TTN: variants seen among roughly 807,000 people sequenced by gnomAD.
The protein encoded by TTN is titin.
TTN carries 1,525 observed loss-of-function variants against 3,223.0 expected under a neutral mutation model. That is an observed-to-expected ratio of 0.47 (90% CI 0.45 to 0.49). The LOEUF (loss-of-function observed/expected upper bound fraction) is 0.49, where lower values mean the gene tolerates loss of function less well. TTN is among the 20% of genes least tolerant of loss of function. The pLI, the probability that TTN is intolerant of heterozygous loss-of-function variation, is 0.00. For missense variants in TTN, 40,786 were observed against 43,424.0 expected, an observed-to-expected ratio of 0.94 and a Z score of 5.40; for synonymous variants, 14,094 against 15,161.0, an observed-to-expected ratio of 0.93 and a Z score of 5.17.
chr2:178,663,976 G>A (rs746205578), intron 169 of TTN, 39 bp downstream of exon 169: 1 of 1,611,496 alleles, frequency 6.2e-7, no homozygotes, highest in Admixed American at 1.7e-5. Context: ...AAGAGCAGAA[G>A]AATTAGGTCT....
chr2:178,731,310 A>T lies in TTN; in HGVS notation c.17456T>A (p.Val5819Glu). The T allele has an allele frequency of 6.2e-7, 1 of 1,613,664 alleles. No individual in the cohort carries two copies. Among genetic ancestry groups the T allele is most frequent in the Non-Finnish European group, 8.5e-7 (1 of 1,179,702 alleles). Residue 5819 changes from valine (V) to glutamate (E), a missense_variant, in exon 59 of 363, where the codon GTA (valine) becomes GAA (glutamate). Transcript: ENST00000589042. Reference sequence around the variant, plus strand: ...GGCAAACGTTCTGAACCAACCTTTTACTGAGAGTAATGCAGAACATCTTTG... The same window carrying T: ...GGCAAACGTTCTGAACCAACCTTTTTCTGAGAGTAATGCAGAACATCTTTG... ...GIQRCSALLSVKEPATITEEA... is the reference protein window; with the variant it reads ...GIQRCSALLSEKEPATITEEA...
In TTN at chr2:178,543,316, A is replaced by G; in HGVS notation, c.96657T>C (p.Val32219=). The change falls in exon 347 of 363, where the codon GTT becomes GTC. Residue 32219 remains valine (V), a synonymous_variant. Coordinates refer to ENST00000589042, the MANE Select transcript of TTN (RefSeq NM_001267550.2). Reference sequence around the variant, plus strand: ...AGAGTGGTTTTTCCCAGGCAAGGGTAACAGTGGATTTGGTGACATCGACCA... The same window carrying G: ...AGAGTGGTTTTTCCCAGGCAAGGGTGACAGTGGATTTGGTGACATCGACCA... The part of the protein sequence containing the change: ...LEVVDVTKST[V]TLAWEKPLYD... 6.2e-7 allele frequency: 1 copy of G among 1,613,840 alleles called. No homozygotes were observed. Among genetic ancestry groups the G allele is most frequent in the Non-Finnish European group, 8.5e-7 (1 of 1,179,790 alleles).
At position 178,563,004 on chromosome 2, in the gene TTN, C is replaced by T. The variant is rs1296454749; in HGVS notation, c.83128G>A (p.Glu27710Lys). 7 of 1,613,706 alleles carry T rather than the reference C, an allele frequency of 4.3e-6. No homozygotes were observed. Among genetic ancestry groups the T allele is most frequent in the East Asian group, 2.2e-5 (1 of 44,842 alleles). ...TCAGTGAGAATGCCTTCTGCCTTTT[C>T]CCATTTAACTTCGGGTTCTGGTCGA... The part of the protein sequence containing the change: ...KGRPEPEVKW[E>K]KAEGILTDRA... The change falls in exon 326 of 363, where the codon GAA (glutamate) becomes AAA (lysine). Residue 27710 changes from glutamate to lysine, a missense_variant. Transcript: ENST00000589042. This position sits in a 1 kb window ranked among gnomAD's most constrained non-coding sequence, Gnocchi z 4.5.
In TTN at chr2:178,729,962, A is replaced by G. The variant is rs1392151041; in HGVS notation, c.18308-17T>C. The stretch of plus-strand genomic sequence containing the variant: ...GAGGAGGTTCTAAAGATGGAAAAAG[A>G]ATTGTGATGTTGAATATTTTTAAAA... On this transcript the variant is annotated splice_polypyrimidine_tract_variant and intron_variant, in intron 62 of 362. Transcript: ENST00000589042. The G allele has an allele frequency of 5.0e-6, 8 of 1,605,932 alleles. No homozygotes were observed. Among genetic ancestry groups the G allele is most frequent in the Non-Finnish European group, 6.8e-6 (8 of 1,177,024 alleles).
In TTN at chr2:178,539,510, C is replaced by A. The variant is rs1693340480; in HGVS notation, c.98555G>T (p.Gly32852Val). 1 of 1,613,710 alleles carries A rather than the reference C, an allele frequency of 6.2e-7. No individual in the cohort carries two copies. The highest frequency in any genetic ancestry group is 2.2e-5 in the East Asian group (1 of 44,870). The change falls in exon 352 of 363, where the codon GGT (glycine) becomes GTT (valine). Residue 32852 changes from glycine to valine, a missense_variant. Gly to Val is a moderately radical substitution (Grantham distance 109). Coordinates refer to ENST00000589042, the MANE Select transcript of TTN (RefSeq NM_001267550.2). ...AWYTIDSRVR[G>V]TSLVVKGLKE... Reference sequence around the variant, plus strand: ...GAGGCCTTTTACCACCAGAGATGTACCTCGGACTCTGGAATCAATGGTATA... The same window carrying A: ...GAGGCCTTTTACCACCAGAGATGTAACTCGGACTCTGGAATCAATGGTATA...
At position 178,598,731 on chromosome 2, in the gene TTN, A is replaced by G; in HGVS notation, c.56962+17T>C. 2 of 1,604,384 alleles carry G rather than the reference A, an allele frequency of 1.2e-6. No individual in the cohort carries two copies. The highest frequency in any genetic ancestry group is 8.5e-7 in the Non-Finnish European group (1 of 1,177,462). Reference sequence around the variant, plus strand: ...GGAAAATAAGATTTAAAAAAAAGGAATGGTTTCCAGGCTTACCAATTGGAT... The same window carrying G: ...GGAAAATAAGATTTAAAAAAAAGGAGTGGTTTCCAGGCTTACCAATTGGAT... On this transcript the variant is annotated intron_variant, in intron 291 of 362. Transcript: ENST00000589042.
Position 178,675,596 on chromosome 2 carries a change from T to G in TTN, c.34537+75A>C, listed in dbSNP as rs72953383. 1.6e-3 allele frequency: 1,791 copies of G among 1,139,870 alleles called. 2 individuals are homozygous for G. The highest frequency in any genetic ancestry group is 2.0e-3 in the Non-Finnish European group (1,702 of 868,850). 70.6% of individuals were successfully genotyped at this position (1,139,870 alleles called of 1,614,324 possible). A position where few individuals can be genotyped will look rare whatever the true frequency, so the allele number is the denominator to read the frequency against. On this transcript the variant is annotated intron_variant, in intron 149 of 362. Transcript: ENST00000589042. Reference sequence around the variant, plus strand: ...AGACCATACAATGCACACATTTATGTTGAGTGTCCTGTGTGGATAGAACCA... The same window carrying G: ...AGACCATACAATGCACACATTTATGGTGAGTGTCCTGTGTGGATAGAACCA...
Position 178,741,210 on chromosome 2 carries a change from A to T in TTN, c.12023T>A (p.Leu4008His). 1 of 1,613,376 alleles carries T rather than the reference A, an allele frequency of 6.2e-7. No individual in the cohort carries two copies. The highest frequency in any genetic ancestry group is 1.3e-5 in the African/African-American group (1 of 75,058). Residue 4008 changes from leucine to histidine, a missense_variant, in exon 48 of 363, where the codon CTC becomes CAC. Leu to His is a moderately conservative substitution (Grantham distance 99). Coordinates refer to ENST00000589042, the MANE Select transcript of TTN (RefSeq NM_001267550.2). ...VNDPQREDSG[L>H]YICKAENMLG... ...CATATTCTCTGCTTTACAGATATAGAGGCCACTGTCTTCCCTCTGAGGGTC... is the reference window on the plus strand; with the variant it reads ...CATATTCTCTGCTTTACAGATATAGTGGCCACTGTCTTCCCTCTGAGGGTC...
chr2:178,546,512 G>A lies in TTN; in HGVS notation c.94829-10C>T, dbSNP rs770236084. The A allele has an allele frequency of 6.2e-7, 1 of 1,607,214 alleles. No homozygotes were observed. The highest frequency in any genetic ancestry group is 8.5e-7 in the Non-Finnish European group (1 of 1,175,524). ...TCGGCTTTGGGTGGAGCTGTCAGTA[G>A]GCAAAACAGATATGAATGAATATCT... is the stretch of plus-strand genomic sequence containing the variant. On this transcript the variant is annotated splice_polypyrimidine_tract_variant and intron_variant, in intron 341 of 362. Coordinates refer to ENST00000589042, the MANE Select transcript of TTN (RefSeq NM_001267550.2).
rs1398519394 is a variant in TTN at position 178,578,823 on chromosome 2, A to G, written c.68207T>C (p.Val22736Ala). ...VGEGLKSEPIVARHPFDVPDA... is the reference protein window; with the variant it reads ...VGEGLKSEPIAARHPFDVPDA... ...ACACTTACCAAATGGATGTCTCGCA[A>G]CAATTGGCTCCGATTTCAGGCCTTC... is the stretch of plus-strand genomic sequence containing the variant. Residue 22736 changes from valine to alanine, a missense_variant, in exon 320 of 363, where the codon GTT becomes GCT. Coordinates refer to ENST00000589042, the MANE Select transcript of TTN (RefSeq NM_001267550.2). 6.2e-7 allele frequency: 1 copy of G among 1,611,002 alleles called. No individual in the cohort carries two copies.
chr2:178,604,098 G>A lies in TTN; in HGVS notation c.54589C>T (p.Pro18197Ser), dbSNP rs1475050139. 6.2e-7 allele frequency: 1 copy of A among 1,612,668 alleles called. No homozygotes were observed. The highest frequency in any genetic ancestry group is 8.5e-7 in the Non-Finnish European group (1 of 1,179,092). Residue 18197 changes from proline (P) to serine (S), a missense_variant, in exon 282 of 363, where the codon CCA becomes TCA. Physicochemically the swap from Pro to Ser is moderately conservative, Grantham distance 74. Transcript: ENST00000589042. ...WTPPLDNGGS[P>S]ITGYWLEKRE... is the part of the protein sequence containing the mutation. ...TTCTCCAGCCAGTAGCCAGTAATTG[G>A]AGAGCCACCATTGTCCAAAGGAGGA...
chr2:178,584,618 A>C (rs1004686980), intron 310 of TTN, 40 bp from the exon 311 acceptor site: 3 of 1,610,338 alleles, frequency 1.9e-6, no homozygotes, highest in Middle Eastern at 3.3e-4. Flanking sequence ...TTCTACATTA[A>C]GTAACAAACT....
At chr2:178,806,197 A>G (rs1046843886) in intron 1 of TTN, among the ~76,000 whole-genome samples, 12 of 152,226 alleles carry the variant, frequency 7.9e-5, no homozygotes, top group Non-Finnish European at 1.6e-4. Context: ...AAGCTTTCAT[A>G]AATTTTTTTT....
In TTN at chr2:178,735,494, A is replaced by T. The variant is rs1409299985; in HGVS notation, c.14935+17T>A. ...TTGCAGAGAAGGGACTAGAAAATAC[A>T]TTCACACGTTTCTTACCTCTGACAG... is the stretch of plus-strand genomic sequence containing the variant. On this transcript the variant is annotated intron_variant, in intron 50 of 362. Coordinates refer to ENST00000589042, the MANE Select transcript of TTN (RefSeq NM_001267550.2). 1 of 1,539,204 alleles carries T rather than the reference A, an allele frequency of 6.5e-7. No individual in the cohort carries two copies. Among genetic ancestry groups the T allele is most frequent in the Non-Finnish European group, 8.7e-7 (1 of 1,149,126 alleles).
At position 178,615,372 on chromosome 2, in the gene TTN, T is replaced by C; in HGVS notation, c.48573A>G (p.Ile16191Met). The change falls in exon 259 of 363, where the codon ATA becomes ATG. Residue 16191 changes from isoleucine (I) to methionine (M), a missense_variant. Ile to Met is a conservative substitution (Grantham distance 10). Transcript: ENST00000589042. ...CAGAACCACGTGGACATCTTTCAAC[T>C]ATATATCCTTTGATGCGTGAACCAC... ...NDGGSRIKGY[I>M]VERCPRGSDK... The C allele has an allele frequency of 1.9e-6, 3 of 1,612,620 alleles. No homozygotes were observed. The highest frequency in any genetic ancestry group is 2.5e-6 in the Non-Finnish European group (3 of 1,179,054).
chr2:178,530,936 C>A lies in TTN; in HGVS notation c.105679G>T (p.Ala35227Ser). Reference protein sequence around the residue: ...TIQKARVTEKAVTSPPRVKSP... With the variant: ...TIQKARVTEKSVTSPPRVKSP... ...TTGACTCTTGGTGGTGATGTCACAG[C>A]CTTTTCAGTTACCCTGGCCTTTTGA... Residue 35227 changes from alanine (A) to serine (S), a missense_variant, in exon 358 of 363, where the codon GCT becomes TCT. By Grantham distance (99) the Ala-to-Ser change is moderately conservative (BLOSUM62 1). Coordinates refer to ENST00000589042, the MANE Select transcript of TTN (RefSeq NM_001267550.2). The A allele has an allele frequency of 1.2e-6, 2 of 1,613,886 alleles. No individual in the cohort carries two copies. Among genetic ancestry groups the A allele is most frequent in the Non-Finnish European group, 1.7e-6 (2 of 1,179,878 alleles).
In TTN at chr2:178,710,876, A is replaced by G; in HGVS notation, c.28221T>C (p.Asp9407=). Residue 9407 remains aspartate (D), a synonymous_variant, in exon 98 of 363, where the codon GAT becomes GAC. Transcript: ENST00000589042. ...AGTCAGCACTTTCTCCCACCACAGC[A>G]TCCACAGGGGCAAGACGGATGTCAA... ...PFFDIRLAPV[D]AVVGESADFE... 6.2e-7 allele frequency: 1 copy of G among 1,613,890 alleles called. No homozygotes were observed.
chr2:178,727,020 T>C, intron 69 of TTN, 70 bp downstream of exon 69: 1 of 1,294,878 alleles, frequency 7.7e-7, no homozygotes, highest in Non-Finnish European at 1.0e-6. Context: ...AGTAAATGAA[T>C]AAAGAGCTAT....
rs901029634 is a variant in TTN, at chr2:178,779,521, A to G, written c.3730-59T>C. On this transcript the variant is annotated intron_variant, in intron 22 of 362. Coordinates refer to ENST00000589042, the MANE Select transcript of TTN (RefSeq NM_001267550.2). ...ATATCCTTACTGATATAAATTATTT[A>G]AGGAGATGTATCTGAGCTAGACTGT... is the stretch of plus-strand genomic sequence containing the variant. 6.3e-6 allele frequency: 7 copies of G among 1,111,568 alleles called. No homozygotes were observed. In the African/African-American group the frequency reaches 7.9e-5, roughly 13 times the overall value. 68.9% of individuals were successfully genotyped at this position (1,111,568 alleles called of 1,614,324 possible). A position where few individuals can be genotyped will look rare whatever the true frequency, so the allele number is the denominator to read the frequency against.
Sources: gnomAD v4.1 joint callset for allele counts (sites outside exome capture counted in the v4.1 genomes callset) on GRCh38, gnomAD v4.1.1 for gene constraint, Gnocchi (gnomAD v3.1) non-coding constraint, MANE v1.5 for transcripts, NCBI Gene and HGNC (gene_info 2026-07-23, HGNC 2026-07-21) for gene names.